CEACAM20: variants seen among roughly 807,000 people sequenced by gnomAD.
CEACAM20 encodes CEA cell adhesion molecule 20.
In CEACAM20, 50 loss-of-function variants were observed where a neutral mutation model predicts 61.2. The observed-to-expected ratio is 0.82, with a 90% CI of 0.65 to 1.03. The LOEUF is 1.03. Among genes scored for constraint, CEACAM20 ranks in the 50% least tolerant of loss-of-function variants. The pLI, the probability that CEACAM20 is intolerant of heterozygous loss-of-function variation, is 0.00. For synonymous variants in CEACAM20, 282 were observed against 287.7 expected, an observed-to-expected ratio of 0.98 and a Z score of 0.20; for missense variants, 683 against 736.4, an observed-to-expected ratio of 0.93 and a Z score of 0.84.
intron 2 of CEACAM20, among the ~76,000 whole-genome samples, chr19:44,524,792 G>A (rs1372398183): frequency 6.6e-6 from 1 of 151,908 alleles, no homozygotes; most frequent in African/African-American, 2.4e-5. Context: ...TGTTGCCCAG[G>A]TGGGTCTCAA....
chr19:44,517,900 G>A (rs935852361), intron 5 of CEACAM20, among the ~76,000 whole-genome samples: 36 of 151,422 alleles, frequency 2.4e-4, no homozygotes, highest in African/African-American at 7.0e-4. Context: ...CCAGTGTGGC[G>A]AATCACGTCT....
intron 1 of CEACAM20, among the ~76,000 whole-genome samples, chr19:44,528,623 T>C (rs1479416758): frequency 1.3e-5 from 2 of 152,168 alleles, no homozygotes; most frequent in Non-Finnish European, 2.9e-5. Flanking sequence ...CCTGGGTCTC[T>C]GGTTCTGTGG....
intron 1 of CEACAM20, 82 bp downstream of exon 1, chr19:44,529,376 A>ACACT: frequency 8.1e-7 from 1 of 1,234,730 alleles, no homozygotes. Flanking sequence ...ACACACACAC[A>ACACT]CACACACACA....
Position 44,527,225 on chromosome 19 carries a change from G to A in CEACAM20, c.53-1981C>T, listed in dbSNP as rs565260209. Among the ~76,000 whole-genome samples, 17 of 152,296 alleles carry A rather than the reference G, an allele frequency of 1.1e-4. No individual in the cohort carries two copies. In the South Asian group the frequency reaches 2.9e-3, roughly 26 times the overall value. On this transcript the variant is annotated intron_variant, in intron 1 of 11. Transcript: ENST00000614924. ...GTGAAGGCTGAGTGAGATATCAAAT[G>A]TGGCATGCTTAACACAGTTCATAGC...
intron 6 of CEACAM20, among the ~76,000 whole-genome samples, chr19:44,513,675 A>G (rs1284179955): frequency 2.6e-5 from 4 of 151,952 alleles, no homozygotes; most frequent in Non-Finnish European, 4.4e-5. Context: ...TCCTGACCTC[A>G]AGTGATCCGC....
In CEACAM20 at chr19:44,521,272, T is replaced by C. The variant is rs192654400; in HGVS notation, c.752-520A>G. Among the ~76,000 whole-genome samples the C allele has an allele frequency of 5.7e-4, 87 of 152,284 alleles. 1 individual carries two copies. The highest frequency in any genetic ancestry group is 2.9e-5 in the Non-Finnish European group (2 of 68,014). On this transcript the variant is annotated intron_variant, in intron 4 of 11. Transcript: ENST00000614924. The stretch of plus-strand genomic sequence containing the variant: ...ATATATGTGTTGAGGGTGTTGACTG[T>C]ATGGTATATGGTGTGTTTTCCATGT...
chr19:44,511,561 G>T, intron 10 of CEACAM20, 76 bp downstream of exon 10: 1 of 1,382,152 alleles, frequency 7.2e-7, no homozygotes, highest in Non-Finnish European at 1.0e-6. Flanking sequence ...TGATCTCTCA[G>T]GCTTATCACA....
chr19:44,513,317 A>G, intron 6 of CEACAM20, 28 bp from the exon 7 acceptor site: 1 of 1,480,636 alleles, frequency 6.8e-7, no homozygotes, highest in Non-Finnish European at 9.4e-7. Flanking sequence ...ATCAAGACCC[A>G]GGCTTGACAC....
chr19:44,517,862 T>C (rs977213122), intron 5 of CEACAM20, among the ~76,000 whole-genome samples: 3 of 151,804 alleles, frequency 2.0e-5, no homozygotes, highest in East Asian at 1.9e-4. Context: ...GTGGAACTCC[T>C]GAGACCAGGA....
intron 1 of CEACAM20, among the ~76,000 whole-genome samples, chr19:44,527,439 C>T (rs1231327953): frequency 1.3e-5 from 2 of 152,168 alleles, no homozygotes; most frequent in Admixed American, 6.5e-5. Flanking sequence ...CTATCTGAGC[C>T]TCAGTTTCCC....
At position 44,524,103 on chromosome 19, in the gene CEACAM20, C is replaced by T. The variant is rs780681079; in HGVS notation, c.355G>A (p.Asp119Asn). Reference sequence around the variant, plus strand: ...ATGAGAATGGTGAGGATCTTGCCATCCTTGGACAGCTGCATGCGCTCATGG... The same window carrying T: ...ATGAGAATGGTGAGGATCTTGCCATTCTTGGACAGCTGCATGCGCTCATGG... The part of the protein sequence containing the change: ...VFHERMQLSK[D>N]GKILTILIVQ... Residue 119 changes from aspartate (D) to asparagine (N), a missense_variant, in exon 3 of 12, where the codon GAT (aspartate) becomes AAT (asparagine). Physicochemically the swap from Asp to Asn is conservative, Grantham distance 23 (BLOSUM62 1). Coordinates refer to ENST00000614924, the MANE Select transcript of CEACAM20 (RefSeq NM_001102597.3). 13 of 1,605,282 alleles carry T rather than the reference C, an allele frequency of 8.1e-6. No homozygotes were observed. The highest frequency in any genetic ancestry group is 1.1e-5 in the Non-Finnish European group (13 of 1,175,998).
chr19:44,509,463 G>T (rs1970910682), intron 11 of CEACAM20, among the ~76,000 whole-genome samples: 1 of 151,896 alleles, frequency 6.6e-6, no homozygotes, highest in Non-Finnish European at 1.5e-5. Context: ...GAAATGCAAA[G>T]GACTGGAAAG....
chr19:44,522,513 A>G, intron 4 of CEACAM20, 121 bp downstream of exon 4: 2 of 1,038,944 alleles, frequency 1.9e-6, no homozygotes, highest in Non-Finnish European at 2.8e-6. Context: ...AATGTCATGC[A>G]GGGATTTCTC....
chr19:44,529,269 C>T (rs111633570), intron 1 of CEACAM20, among the ~76,000 whole-genome samples, 189 bp downstream of exon 1: 1 of 151,666 alleles, frequency 6.6e-6, no homozygotes, highest in Non-Finnish European at 1.5e-5. Context: ...CTGGCCCTAT[C>T]TTTATATCTG....
intron 6 of CEACAM20, among the ~76,000 whole-genome samples, chr19:44,516,409 G>A (rs1971154679): frequency 6.6e-6 from 1 of 152,130 alleles, no homozygotes; most frequent in Admixed American, 6.5e-5. Flanking sequence ...GGACCTGGTG[G>A]GAGATAATTG....
At chr19:44,528,172 T>C (rs1971590223) in intron 1 of CEACAM20, among the ~76,000 whole-genome samples, 1 of 133,480 alleles carries the variant, frequency 7.5e-6, no homozygotes, top group African/African-American at 2.5e-5. Context: ...CTTTCTTTCC[T>C]TTCTTTCTTT....
At chr19:44,513,109 C>T (rs959285694) in intron 7 of CEACAM20, 63 bp downstream of exon 7, 8 of 1,405,386 alleles carry the variant, frequency 5.7e-6, no homozygotes, top group South Asian at 3.8e-5. Flanking sequence ...GCAACACGCC[C>T]GGCAAGCGCC....
chr19:44,510,597 AAAGAAAGAAAGAAAAAGGAAGGAAGG>A (rs1555674175), intron 11 of CEACAM20, among the ~76,000 whole-genome samples: 7,538 of 66,986 alleles, frequency 0.11, 336 homozygotes, highest in Middle Eastern at 0.17. Context: ...AGAAAGAAAG[AAAGAAAGAAAGAAAAAGGAAGGAAGG>A]AAGAAAGAAA....
In CEACAM20 at chr19:44,520,465, G is replaced by T. The variant is rs1322613693; in HGVS notation, c.1030+9C>A. 1 of 1,610,176 alleles carries T rather than the reference G, an allele frequency of 6.2e-7. No individual in the cohort carries two copies. The highest frequency in any genetic ancestry group is 2.2e-5 in the East Asian group (1 of 44,826). On this transcript the variant is annotated intron_variant, in intron 5 of 11. Transcript: ENST00000614924. ...GAGATGGGGAAGGTCCAGGCCCTGG[G>T]TGACTCACAGTTGATGGTCAGCTCA...
Sources: allele counts gnomAD v4.1 joint callset (sites outside exome capture counted in the v4.1 genomes callset), GRCh38; gene constraint gnomAD v4.1.1; transcripts MANE v1.5; gene names NCBI Gene and HGNC (gene_info 2026-07-23, HGNC 2026-07-21).